The following IQGAP1 variants were observed in gnomAD, a reference collection of about 807,000 sequenced individuals.
IQGAP1 encodes the protein IQ motif containing GTPase activating protein 1, also known as ras GTPase-activating-like protein IQGAP1.
In IQGAP1, 66 loss-of-function variants were observed where a neutral mutation model predicts 215.6. The ratio of observed to expected loss-of-function variants is 0.31; its 90% confidence interval spans 0.25 to 0.38. IQGAP1 has a LOEUF of 0.38. Ranked by LOEUF, IQGAP1 falls within the 10% of genes least tolerant of loss-of-function variation. The pLI is 1.00. For missense variants in IQGAP1, 1,712 were observed against 1,997.1 expected (o/e 0.86, Z 2.72); for synonymous variants, 772 against 728.7 (o/e 1.06, Z -0.96).
At chr15:90,499,913 A>G in intron 37 of IQGAP1, 82 bp from the exon 38 acceptor site, 1 of 904,148 alleles carries the variant, frequency 1.1e-6, no homozygotes, top group Non-Finnish European at 1.8e-6. Context: ...ATCCCTCCCT[A>G]CATTGTGTCC....
intron 19 of IQGAP1, 73 bp from the exon 20 acceptor site, chr15:90,473,642 G>A: frequency 9.1e-7 from 1 of 1,100,712 alleles, no homozygotes; most frequent in Non-Finnish European, 1.4e-6. Context: ...CATGTATCAA[G>A]ATGAAAGTTT....
rs370098480 is a variant in IQGAP1, at chr15:90,477,781, C to T, written c.3221C>T (p.Pro1074Leu). 4.3e-6 allele frequency: 7 copies of T among 1,613,736 alleles called. No individual in the cohort carries two copies. Among genetic ancestry groups the T allele is most frequent in the South Asian group, 1.1e-5 (1 of 91,074 alleles). The change falls in exon 26 of 38, where the codon CCA (proline) becomes CTA (leucine). Residue 1074 changes from proline to leucine, a missense_variant. By Grantham distance (98) the Pro-to-Leu change is moderately conservative. Around this residue, in one of 2 missense-constraint regions of IQGAP1, gnomAD observed 691 missense variants for 923.0 expected, o/e 0.75. Coordinates refer to ENST00000268182, the MANE Select transcript of IQGAP1 (RefSeq NM_003870.4). ...GQNALRQILA[P>L]VVKEIMDDKS... ...AATGCCCTGAGACAGATCTTGGCCCCAGTCGTGAAGGAAATTATGGATGAC... is the reference window on the plus strand; with the variant it reads ...AATGCCCTGAGACAGATCTTGGCCCTAGTCGTGAAGGAAATTATGGATGAC...
Position 90,466,262 on chromosome 15 carries a change from G to T in IQGAP1, c.1868-7G>T. On this transcript the variant is annotated splice_region_variant and splice_polypyrimidine_tract_variant and intron_variant, in intron 16 of 37. Transcript: ENST00000268182. Reference sequence around the variant, plus strand: ...ACTATTCTGGTAACAGTTCTTTCCCGAAATAGTTGCCTTAGGAATCTTTGC... The same window carrying T: ...ACTATTCTGGTAACAGTTCTTTCCCTAAATAGTTGCCTTAGGAATCTTTGC... The T allele has an allele frequency of 2.5e-6, 4 of 1,613,804 alleles. No individual in the cohort carries two copies. Among genetic ancestry groups the T allele is most frequent in the Non-Finnish European group, 3.4e-6 (4 of 1,179,734 alleles).
At chr15:90,455,501 C>T (rs2093983240) in intron 14 of IQGAP1, among the ~76,000 whole-genome samples, 1 of 152,192 alleles carries the variant, frequency 6.6e-6, no homozygotes, top group Non-Finnish European at 1.5e-5. Context: ...GACGCTCCCC[C>T]AGAGACAAAG....
chr15:90,458,521 T>G (rs1965718370), intron 15 of IQGAP1, among the ~76,000 whole-genome samples: 1 of 152,160 alleles, frequency 6.6e-6, no homozygotes, highest in African/African-American at 2.4e-5. Flanking sequence ...AAAACAAACA[T>G]TACTACCACT....
chr15:90,500,137 T>G lies in IQGAP1; in HGVS notation c.*29T>G, dbSNP rs755984594. 6.0e-6 allele frequency: 8 copies of G among 1,325,346 alleles called. No homozygotes were observed. The highest frequency in any genetic ancestry group is 8.7e-6 in the Non-Finnish European group (8 of 917,938). The allele number at this position is 1,325,346 out of a possible 1,614,324, so 82.1% of individuals were successfully genotyped here. A position where few individuals can be genotyped will look rare whatever the true frequency, so the allele number is the denominator to read the frequency against. On this transcript the variant is annotated 3_prime_UTR_variant, in exon 38 of 38. Transcript: ENST00000268182. Reference sequence around the variant, plus strand: ...ATCGTTTGCTGCCAGCCCAGAAGGATGAAGGAAAGAAGCACCTCACAGCTC... The same window carrying G: ...ATCGTTTGCTGCCAGCCCAGAAGGAGGAAGGAAAGAAGCACCTCACAGCTC...
At chr15:90,459,541 T>C (rs573923232) in intron 15 of IQGAP1, among the ~76,000 whole-genome samples, 1 of 152,330 alleles carries the variant, frequency 6.6e-6, no homozygotes, top group South Asian at 2.1e-4. Flanking sequence ...ACTATAGAGT[T>C]TGAAGCATTT....
chr15:90,441,571 G>A lies in IQGAP1; in HGVS notation c.715G>A (p.Ala239Thr). The part of the protein sequence containing the change: ...DRRIPADTFA[A>T]LKNPNAMLVN... ...TAGAATTCCAGCCGACACATTTGCAGCTTTGAAAAATCCGAATGCCATGCT... is the reference window on the plus strand; with the variant it reads ...TAGAATTCCAGCCGACACATTTGCAACTTTGAAAAATCCGAATGCCATGCT... The change falls in exon 8 of 38, where the codon GCT (alanine) becomes ACT (threonine). Residue 239 changes from alanine (A) to threonine (T), a missense_variant. This residue lies in a region of IQGAP1 where 1,021 missense variants were observed against 1,074.2 expected (regional missense o/e 0.95). Transcript: ENST00000268182. The A allele has an allele frequency of 1.2e-6, 2 of 1,613,798 alleles. No individual in the cohort carries two copies. Among genetic ancestry groups the A allele is most frequent in the South Asian group, 1.1e-5 (1 of 91,070 alleles).
At chr15:90,449,488 G>A (rs1035433840) in intron 10 of IQGAP1, 71 bp from the exon 11 acceptor site, 2 of 1,260,820 alleles carry the variant, frequency 1.6e-6, no homozygotes, top group African/African-American at 3.0e-5. Flanking sequence ...CTGCTTTTGA[G>A]AGATGAGAAC....
At chr15:90,393,248 A>G (rs1299483407) in intron 2 of IQGAP1, among the ~76,000 whole-genome samples, 1 of 152,110 alleles carries the variant, frequency 6.6e-6, no homozygotes, top group African/African-American at 2.4e-5. Context: ...ATCAGAATCC[A>G]CAGTTGCTCA....
At chr15:90,440,693 T>A in intron 7 of IQGAP1, 78 bp downstream of exon 7, 1 of 865,428 alleles carries the variant, frequency 1.2e-6, no homozygotes, top group Non-Finnish European at 1.8e-6. Flanking sequence ...AGTGATGATC[T>A]AGGACATTAT....
chr15:90,478,243 G>A (rs1002519139), intron 26 of IQGAP1, among the ~76,000 whole-genome samples: 1 of 152,040 alleles, frequency 6.6e-6, no homozygotes, highest in Non-Finnish European at 1.5e-5. Context: ...CATCTGCCTC[G>A]GCCTCCCAAA....
At position 90,431,094 on chromosome 15, in the gene IQGAP1, C is replaced by T. The variant is rs112692557; in HGVS notation, c.390+1428C>T. The T allele has an allele frequency of 7.8e-3, 1,164 of 148,340 alleles. 16 individuals are homozygous for T. The highest frequency in any genetic ancestry group is 0.026 in the African/African-American group (1,066 of 40,586). The allele number at this position is 148,340 out of a possible 1,614,324, so 9.2% of individuals were successfully genotyped here. Reference sequence around the variant, plus strand: ...TATTACAACATGTAATTATATATTACGTATATAGTATATTGATATGTATAC... The same window carrying T: ...TATTACAACATGTAATTATATATTATGTATATAGTATATTGATATGTATAC... On this transcript the variant is annotated intron_variant, in intron 4 of 37. Transcript: ENST00000268182.
intron 5 of IQGAP1, among the ~76,000 whole-genome samples, chr15:90,438,603 A>T (rs1482939952): frequency 1.3e-5 from 2 of 152,226 alleles, no homozygotes; most frequent in African/African-American, 4.8e-5. Context: ...CAGTTTAAGT[A>T]AGATTTGCCA....
chr15:90,421,403 G>A (rs1965133986), intron 2 of IQGAP1, among the ~76,000 whole-genome samples: 1 of 150,690 alleles, frequency 6.6e-6, no homozygotes, highest in African/African-American at 2.4e-5. Context: ...TTGAACTTGG[G>A]AGACGGAGGT....
In IQGAP1 at chr15:90,445,153, A is replaced by T. The variant is rs199881161; in HGVS notation, c.913+1675A>T. On this transcript the variant is annotated intron_variant, in intron 9 of 37. Coordinates refer to ENST00000268182, the MANE Select transcript of IQGAP1 (RefSeq NM_003870.4). The stretch of plus-strand genomic sequence containing the variant: ...TTAATTAATTAATTTTTTTTTTTTA[A>T]AAAAGAATCTGGCTCTGAAGTGGTA... 2.2e-3 allele frequency among the ~76,000 whole-genome samples: 326 copies of T among 150,924 alleles called. 1 individual carries two copies. Among genetic ancestry groups the T allele is most frequent in the African/African-American group, 7.3e-3 (300 of 41,030 alleles).
chr15:90,462,053 A>G lies in IQGAP1; in HGVS notation c.1777-3948A>G, dbSNP rs540720407. 1.2e-4 allele frequency among the ~76,000 whole-genome samples: 18 copies of G among 151,786 alleles called. No individual in the cohort carries two copies. The East Asian group carries it at 3.5e-3, about 29-fold the overall frequency. ...GGTAGGCGCCTGCGCCTTTAGTCCC[A>G]GCTACTCGGGAGGCTGAGGCAGGAG... is the stretch of plus-strand genomic sequence containing the variant. On this transcript the variant is annotated intron_variant, in intron 15 of 37. Coordinates refer to ENST00000268182, the MANE Select transcript of IQGAP1 (RefSeq NM_003870.4).
intron 15 of IQGAP1, among the ~76,000 whole-genome samples, chr15:90,461,351 T>C (rs1006116975): frequency 6.7e-6 from 1 of 149,886 alleles, no homozygotes; most frequent in Non-Finnish European, 1.5e-5. Flanking sequence ...CCAATGTTTT[T>C]TGTTTGTTTG....
In IQGAP1 at chr15:90,491,479, G is replaced by A; in HGVS notation, c.4395G>A (p.Lys1465=). Residue 1465 remains lysine, a synonymous_variant, in exon 34 of 38, where the codon AAG becomes AAA. Transcript: ENST00000268182. ...AGAAGATCCAGACAGGTTTAAAGAA[G>A]CTAACAGAGCTTGGAACCGTGGACC... ...KKEKIQTGLK[K]LTELGTVDPK... is the part of the protein sequence containing the mutation. 1 of 1,614,166 alleles carries A rather than the reference G, an allele frequency of 6.2e-7. No homozygotes were observed. Among genetic ancestry groups the A allele is most frequent in the Non-Finnish European group, 8.5e-7 (1 of 1,180,032 alleles).
Sources: allele counts gnomAD v4.1 joint callset (sites outside exome capture counted in the v4.1 genomes callset), GRCh38; gene constraint gnomAD v4.1.1; regional missense constraint gnomAD v4.1.1; transcripts MANE v1.5; gene names NCBI Gene and HGNC (gene_info 2026-07-23, HGNC 2026-07-21).